The following USH2A variants were observed in gnomAD, a reference collection of about 807,000 sequenced individuals.
USH2A encodes usherin, also known as Usher syndrome 2A (autosomal recessive, mild).
A neutral mutation model predicts 538.9 loss-of-function variants in USH2A; 443 were observed. The observed-to-expected ratio is 0.82, with a 90% confidence interval of 0.76 to 0.89. The LOEUF is 0.89. Among genes scored for constraint, USH2A ranks in the 40% least tolerant of loss-of-function variants. USH2A has a pLI of 0.00. For synonymous variants in USH2A, 2,413 were observed against 2,273.5 expected, an observed-to-expected ratio of 1.06 and a Z score of -1.75; for missense variants, 6,633 against 6,324.8, an observed-to-expected ratio of 1.05 and a Z score of -1.65.
intron 37 of USH2A, among the ~76,000 whole-genome samples, chr1:215,941,651 G>A (rs1666636537): frequency 6.6e-6 from 1 of 152,082 alleles, no homozygotes; most frequent in African/African-American, 2.4e-5. Flanking sequence ...TACTAACCAT[G>A]CTGAACCTGC....
chr1:215,681,220 A>C (rs773757416), intron 61 of USH2A, among the ~76,000 whole-genome samples: 1 of 152,126 alleles, frequency 6.6e-6, no homozygotes, highest in Non-Finnish European at 1.5e-5. Context: ...ATGTTTCTAA[A>C]GGCCCTGGGG....
At chr1:215,803,668 T>C (rs1426191309) in intron 49 of USH2A, among the ~76,000 whole-genome samples, 1 of 152,180 alleles carries the variant, frequency 6.6e-6, no homozygotes, top group Non-Finnish European at 1.5e-5. Context: ...TCCATGCTCA[T>C]GGGTAGGAAG....
intron 21 of USH2A, among the ~76,000 whole-genome samples, chr1:216,140,064 G>A (rs923351284): frequency 2.6e-5 from 4 of 152,130 alleles, no homozygotes; most frequent in Non-Finnish European, 2.9e-5. Flanking sequence ...AAATAAAATA[G>A]TAAGATTATC....
At chr1:215,690,106 C>A (rs1465083715) in intron 61 of USH2A, among the ~76,000 whole-genome samples, 3 of 152,192 alleles carry the variant, frequency 2.0e-5, no homozygotes, top group African/African-American at 7.2e-5. Context: ...CACAGAGGTG[C>A]AAGTGGGTTC....
At chr1:215,754,932 A>G (rs1041422098) in intron 58 of USH2A, among the ~76,000 whole-genome samples, 1 of 152,092 alleles carries the variant, frequency 6.6e-6, no homozygotes, top group Non-Finnish European at 1.5e-5. Flanking sequence ...TAGTTTCTTC[A>G]TGCTGCAGAG....
At chr1:215,838,836 G>T (rs1663599699) in intron 46 of USH2A, among the ~76,000 whole-genome samples, 1 of 152,148 alleles carries the variant, frequency 6.6e-6, no homozygotes, top group East Asian at 1.9e-4. Flanking sequence ...ATATCATTCT[G>T]CTCTCAATTA....
intron 36 of USH2A, among the ~76,000 whole-genome samples, chr1:215,965,924 C>CACAA (rs1667332210): frequency 1.1e-4 from 1 of 9,338 alleles, no homozygotes; most frequent in Non-Finnish European, 1.8e-4. Flanking sequence ...TCTTCTCTGT[C>CACAA]ACACACACAC....
chr1:216,357,806 G>A (rs1241817983), intron 4 of USH2A, among the ~76,000 whole-genome samples: 1 of 152,098 alleles, frequency 6.6e-6, no homozygotes, highest in Non-Finnish European at 1.5e-5. Context: ...TGGAGAGCTA[G>A]TATGGTTTAT....
intron 15 of USH2A, among the ~76,000 whole-genome samples, chr1:216,208,250 A>G (rs2035162594): frequency 6.6e-6 from 1 of 152,120 alleles, no homozygotes; most frequent in South Asian, 2.1e-4. Context: ...ACAATCAACC[A>G]CCAGTTTACG....
chr1:215,880,563 C>T (rs1260148747), intron 41 of USH2A, among the ~76,000 whole-genome samples: 1 of 152,090 alleles, frequency 6.6e-6, no homozygotes, highest in African/African-American at 2.4e-5. Context: ...TAAAAACACC[C>T]TAAAACTAGC....
At chr1:215,776,274 G>A (rs1411857251) in intron 55 of USH2A, among the ~76,000 whole-genome samples, 1 of 152,164 alleles carries the variant, frequency 6.6e-6, no homozygotes, top group Non-Finnish European at 1.5e-5. Flanking sequence ...CGTCCCCATG[G>A]TATTCAGCTC....
At chr1:215,893,276 G>A (rs1394179452) in intron 40 of USH2A, among the ~76,000 whole-genome samples, 4 of 152,130 alleles carry the variant, frequency 2.6e-5, no homozygotes, top group African/African-American at 9.7e-5. Flanking sequence ...TATAGAAAAT[G>A]ATTATGGTAA....
intron 11 of USH2A, among the ~76,000 whole-genome samples, chr1:216,282,628 A>G (rs2036804763): frequency 6.6e-6 from 1 of 152,194 alleles, no homozygotes; most frequent in African/African-American, 2.4e-5. Context: ...TGTCTTGATT[A>G]TAGTAAATTT....
At chr1:215,733,592 C>A (rs1201602493) in intron 60 of USH2A, among the ~76,000 whole-genome samples, 2 of 152,160 alleles carry the variant, frequency 1.3e-5, no homozygotes, top group African/African-American at 4.8e-5. Flanking sequence ...CACCTATAAG[C>A]CTATAAAATC....
At chr1:215,909,319 G>A (rs1362149256) in intron 38 of USH2A, among the ~76,000 whole-genome samples, 1 of 151,854 alleles carries the variant, frequency 6.6e-6, no homozygotes, top group Non-Finnish European at 1.5e-5. Context: ...GATGGAACAC[G>A]GAGGCTTTTC....
chr1:216,295,050 T>C (rs1270334498), intron 9 of USH2A, among the ~76,000 whole-genome samples: 2 of 151,848 alleles, frequency 1.3e-5, no homozygotes, highest in Non-Finnish European at 3.0e-5. Flanking sequence ...TTATATGGTA[T>C]AGTAGTGTGA....
At chr1:215,748,708 T>C (rs1660548598) in intron 58 of USH2A, among the ~76,000 whole-genome samples, 2 of 152,308 alleles carry the variant, frequency 1.3e-5, no homozygotes, top group African/African-American at 4.8e-5. Flanking sequence ...CTGCCCTTAT[T>C]TCCCAAGCGA....
At chr1:216,052,027 T>C (rs17025950) in intron 30 of USH2A, among the ~76,000 whole-genome samples, 1,567 of 152,308 alleles carry the variant, frequency 0.01, 34 homozygotes, top group African/African-American at 0.036. Context: ...TAGTGTTTTA[T>C]TTAATGTTTC....
Position 216,196,679 on chromosome 1 carries a change from CGAAGAGAGGGGAAAGACT to C in USH2A, c.4107_4124del (p.Val1370_Ser1375del), listed in dbSNP as rs1558310707. The stretch of plus-strand genomic sequence containing the variant: ...TCTCCCAGGAGATATTGAGAGAGTA[CGAAGAGAGGGGAAAGACT>C]GAAGGAGGGATCATGAATACAGGTG... On this transcript the variant is annotated inframe_deletion, in exon 19 of 72. Coordinates refer to ENST00000307340, the MANE Select transcript of USH2A (RefSeq NM_206933.4). 6.2e-7 allele frequency: 1 copy of C among 1,613,014 alleles called. No homozygotes were observed. Among genetic ancestry groups the C allele is most frequent in the African/African-American group, 1.3e-5 (1 of 74,756 alleles).
Sources: gnomAD v4.1 joint callset for allele counts (sites outside exome capture counted in the v4.1 genomes callset) on GRCh38, gnomAD v4.1.1 for gene constraint, MANE v1.5 for transcripts, NCBI Gene and HGNC (gene_info 2026-07-23, HGNC 2026-07-21) for gene names.